The following PIK3R5 variants were observed in gnomAD, a reference collection of about 807,000 sequenced individuals.
PIK3R5 encodes phosphoinositide-3-kinase regulatory subunit 5, also known as phosphoinositide 3-kinase regulatory subunit 5.
Under a neutral mutation model 94.9 loss-of-function variants are expected in PIK3R5, and 32 were observed. The observed-to-expected ratio is 0.34, with a 90% confidence interval of 0.25 to 0.45. PIK3R5 has a LOEUF of 0.45. Ranked by LOEUF, PIK3R5 falls within the 20% of genes least tolerant of loss-of-function variation. The pLI is 1.00. For synonymous variants in PIK3R5, 443 were observed against 479.4 expected, an observed-to-expected ratio of 0.92 and a Z score of 0.99; for missense variants, 853 against 1,144.6, an observed-to-expected ratio of 0.75 and a Z score of 3.68.
Position 8,909,821 on chromosome 17 carries a change from G to A in PIK3R5, c.104-647C>T, listed in dbSNP as rs141375873. Among the ~76,000 whole-genome samples the A allele has an allele frequency of 1.5e-3, 225 of 152,304 alleles. No individual in the cohort carries two copies. Among genetic ancestry groups the A allele is most frequent in the African/African-American group, 5.1e-3 (211 of 41,560 alleles). On this transcript the variant is annotated intron_variant, in intron 2 of 18. Transcript: ENST00000447110. The surrounding 1 kb of genome is among the most constrained non-coding windows in gnomAD (Gnocchi z 4.3). ...ACCTCTCCTGCCCTGGTTTCCTACA[G>A]TGGGTTCTGGTACCTATGAGTTGCA...
chr17:8,917,873 GA>G (rs766331127), intron 1 of PIK3R5, among the ~76,000 whole-genome samples: 2 of 149,302 alleles, frequency 1.3e-5, no homozygotes, highest in Non-Finnish European at 1.5e-5. Flanking sequence ...GTCAAAAAAA[GA>G]AAAAAAAAGA....
At chr17:8,886,968 A>C in intron 12 of PIK3R5, 128 bp downstream of exon 12, 4 of 1,101,372 alleles carry the variant, frequency 3.6e-6, no homozygotes, top group Non-Finnish European at 5.2e-6. Flanking sequence ...ACACTCCCTG[A>C]TCTTTTCCAA....
At chr17:8,952,152 G>A (rs887850774) in intron 1 of PIK3R5, among the ~76,000 whole-genome samples, 9 of 152,238 alleles carry the variant, frequency 5.9e-5, no homozygotes, top group African/African-American at 2.2e-4. Flanking sequence ...AAGCTGTCAT[G>A]TGAAGTCTGG....
In PIK3R5 at chr17:8,955,851, T is replaced by C. The variant is rs534131347; in HGVS notation, c.-14+9745A>G. Among the ~76,000 whole-genome samples the C allele has an allele frequency of 2.0e-5, 3 of 152,144 alleles. No homozygotes were observed. Among genetic ancestry groups the C allele is most frequent in the South Asian group, 4.2e-4 (2 of 4,814 alleles). On this transcript the variant is annotated intron_variant, in intron 1 of 18. Coordinates refer to ENST00000447110, the MANE Select transcript of PIK3R5 (RefSeq NM_001142633.3). The surrounding 1 kb of genome is among the most constrained non-coding windows in gnomAD (Gnocchi z 4.4). ...GGAAGCCTGCTTTGTGGATGCAGAGTTGGGCTCTGGATATTGCTCAAGTTG... is the reference window on the plus strand; with the variant it reads ...GGAAGCCTGCTTTGTGGATGCAGAGCTGGGCTCTGGATATTGCTCAAGTTG...
chr17:8,942,675 T>G (rs9911038), intron 1 of PIK3R5, among the ~76,000 whole-genome samples: 125,008 of 150,748 alleles, frequency 0.83, 52,040 homozygotes, highest in Non-Finnish European at 0.86. Context: ...GTGCGATCTC[T>G]GCTCACTGCA....
intron 1 of PIK3R5, among the ~76,000 whole-genome samples, chr17:8,938,360 G>A (rs998854744): frequency 6.6e-6 from 1 of 152,130 alleles, no homozygotes; most frequent in African/African-American, 2.4e-5. Flanking sequence ...GTTTGGCAGT[G>A]ATTTTTACTT....
chr17:8,889,309 C>T lies in PIK3R5; in HGVS notation c.812-87G>A. ...CAGTCCCCTTGCCTTGGAGAAGAGA[C>T]CAGAGATGGGACAGGATCGGCACAA... On this transcript the variant is annotated intron_variant, in intron 8 of 18. Coordinates refer to ENST00000447110, the MANE Select transcript of PIK3R5 (RefSeq NM_001142633.3). The surrounding 1 kb of genome is among the most constrained non-coding windows in gnomAD (Gnocchi z 4.1). 6.4e-6 allele frequency: 6 copies of T among 944,346 alleles called. No homozygotes were observed. The highest frequency in any genetic ancestry group is 2.2e-4 in the Middle Eastern group (1 of 4,638). 58.5% of individuals were successfully genotyped at this position (944,346 alleles called of 1,614,324 possible).
At chr17:8,936,854 G>A (rs1323176373) in intron 1 of PIK3R5, among the ~76,000 whole-genome samples, 2 of 152,170 alleles carry the variant, frequency 1.3e-5, no homozygotes, top group African/African-American at 4.8e-5. Context: ...TAAAAGAACT[G>A]ACAGCTTAAC....
chr17:8,890,454 G>A lies in PIK3R5; in HGVS notation c.657+284C>T, dbSNP rs560121774. On this transcript the variant is annotated intron_variant, in intron 7 of 18. Coordinates refer to ENST00000447110, the MANE Select transcript of PIK3R5 (RefSeq NM_001142633.3). The surrounding 1 kb of genome is among the most constrained non-coding windows in gnomAD (Gnocchi z 6.1). The stretch of plus-strand genomic sequence containing the variant: ...GTGACAGAGCCAGGCCTAGATGCCA[G>A]GTCTTCAGCCCAAAGCTCATTCTCG... 5.8e-4 allele frequency among the ~76,000 whole-genome samples: 89 copies of A among 152,342 alleles called. No individual in the cohort carries two copies. The highest frequency in any genetic ancestry group is 2.1e-3 in the African/African-American group (87 of 41,562).
At chr17:8,901,085 G>T (rs758959726) in intron 5 of PIK3R5, among the ~76,000 whole-genome samples, 1 of 152,224 alleles carries the variant, frequency 6.6e-6, no homozygotes, top group Non-Finnish European at 1.5e-5. Flanking sequence ...CCAACCAGAA[G>T]CTCAGAAGGC....
rs1030011429 is a variant in PIK3R5 at position 8,925,501 on chromosome 17, GGATAGATAGTAGATGGATA to G, written c.-13-14013_-13-13995del. Among the ~76,000 whole-genome samples, 3 of 146,266 alleles carry G rather than the reference GGATAGATAGTAGATGGATA, an allele frequency of 2.1e-5. No homozygotes were observed. Among genetic ancestry groups the G allele is most frequent in the Admixed American group, 6.8e-5 (1 of 14,808 alleles). On this transcript the variant is annotated intron_variant, in intron 1 of 18. Transcript: ENST00000447110. The surrounding 1 kb of genome is among the most constrained non-coding windows in gnomAD (Gnocchi z 5.1). ...GATAGTAGATGGATAGATAGTAGAT[GGATAGATAGTAGATGGATA>G]GATAGATAGATAGTAGATAGATAGT... is the stretch of plus-strand genomic sequence containing the variant.
intron 1 of PIK3R5, among the ~76,000 whole-genome samples, chr17:8,928,580 T>G (rs2090932660): frequency 6.6e-6 from 1 of 152,218 alleles, no homozygotes; most frequent in Non-Finnish European, 1.5e-5. Context: ...AAATTATGAA[T>G]GCTAGAAGGA....
Position 8,888,722 on chromosome 17 carries a change from A to C in PIK3R5, c.1065T>G (p.His355Gln). The C allele has an allele frequency of 6.2e-7, 1 of 1,613,798 alleles. No homozygotes were observed. Among genetic ancestry groups the C allele is most frequent in the Non-Finnish European group, 8.5e-7 (1 of 1,179,994 alleles). ...SLLSTSSLASHDSTLSLASSQ... is the reference protein window; with the variant it reads ...SLLSTSSLASQDSTLSLASSQ... ...AGGATGCAAGGGACAAGGTGGAGTC[A>C]TGGGACGCCAAAGAGCTGGTGGAGA... Residue 355 changes from histidine (H) to glutamine (Q), a missense_variant, in exon 10 of 19, where the codon CAT becomes CAG. By Grantham distance (24) the His-to-Gln change is conservative. This residue lies in a region of PIK3R5 where 319 missense variants were observed against 339.8 expected (regional missense o/e 0.94). Transcript: ENST00000447110. This position sits in a 1 kb window ranked among gnomAD's most constrained non-coding sequence, Gnocchi z 7.8.
chr17:8,949,916 C>G (rs2091345733), intron 1 of PIK3R5, among the ~76,000 whole-genome samples: 1 of 152,138 alleles, frequency 6.6e-6, no homozygotes, highest in Non-Finnish European at 1.5e-5. Context: ...AATTTAAAAA[C>G]AATTTTTTTA....
intron 1 of PIK3R5, among the ~76,000 whole-genome samples, chr17:8,960,433 T>A (rs1482051421): frequency 1.3e-5 from 2 of 152,264 alleles, no homozygotes; most frequent in Non-Finnish European, 2.9e-5. Flanking sequence ...GCATGTCTTG[T>A]CTATGAGACT....
At chr17:8,924,845 G>T (rs2090840141) in intron 1 of PIK3R5, among the ~76,000 whole-genome samples, 1 of 152,186 alleles carries the variant, frequency 6.6e-6, no homozygotes, top group Non-Finnish European at 1.5e-5. Flanking sequence ...GCCAGGTGTG[G>T]TTTTTACAAC....
Position 8,893,660 on chromosome 17 carries a change from G to A in PIK3R5, c.413-5C>T. The stretch of plus-strand genomic sequence containing the variant: ...CCAGTCTCTGGTAGGAGATCCCTGT[G>A]GGTCAAGAAGAAAAGAGTTCATGGG... On this transcript the variant is annotated splice_polypyrimidine_tract_variant and splice_region_variant and intron_variant, in intron 5 of 18. Transcript: ENST00000447110. The surrounding 1 kb of genome is among the most constrained non-coding windows in gnomAD (Gnocchi z 5.1). 1 of 1,611,980 alleles carries A rather than the reference G, an allele frequency of 6.2e-7. No homozygotes were observed. The highest frequency in any genetic ancestry group is 8.5e-7 in the Non-Finnish European group (1 of 1,178,072).
rs2090155628 is a variant in PIK3R5, at chr17:8,896,469, G to A, written c.413-2814C>T. 2.0e-5 allele frequency among the ~76,000 whole-genome samples: 3 copies of A among 152,110 alleles called. No homozygotes were observed. Among genetic ancestry groups the A allele is most frequent in the Admixed American group, 6.5e-5 (1 of 15,284 alleles). ...AAGGGCTAAACAAAAATCTTGCCTG[G>A]GTTGTTCCTACGTCAGGCTCTAGCA... On this transcript the variant is annotated intron_variant, in intron 5 of 18. Coordinates refer to ENST00000447110, the MANE Select transcript of PIK3R5 (RefSeq NM_001142633.3). The surrounding 1 kb of genome is among the most constrained non-coding windows in gnomAD (Gnocchi z 4.0).
Position 8,884,410 on chromosome 17 carries a change from C to T in PIK3R5, c.2205+297G>A, listed in dbSNP as rs2089759369. On this transcript the variant is annotated intron_variant, in intron 15 of 18. Transcript: ENST00000447110. This position sits in a 1 kb window ranked among gnomAD's most constrained non-coding sequence, Gnocchi z 5.8. ...GCCTCTGGAAGGCTTCCCTTTCCCC[C>T]TTTCAGCCCCAGCCCTGTAGCCAGG... Among the ~76,000 whole-genome samples the T allele has an allele frequency of 6.6e-6, 1 of 152,096 alleles. No individual in the cohort carries two copies. Among genetic ancestry groups the T allele is most frequent in the South Asian group, 2.1e-4 (1 of 4,824 alleles).
Sources: allele counts gnomAD v4.1 joint callset (sites outside exome capture counted in the v4.1 genomes callset), GRCh38; gene constraint gnomAD v4.1.1; regional missense constraint gnomAD v4.1.1; non-coding constraint Gnocchi (gnomAD v3.1); transcripts MANE v1.5; gene names NCBI Gene and HGNC (gene_info 2026-07-23, HGNC 2026-07-21).